The following CUX2 variants were observed in gnomAD, a reference collection of about 807,000 sequenced individuals.
The protein encoded by CUX2 is cut like homeobox 2, also known as homeobox protein cut-like 2.
In CUX2, 40 loss-of-function variants were observed where a neutral mutation model predicts 144.8. That is an observed-to-expected ratio of 0.28 (90% CI 0.21 to 0.36). The LOEUF (loss-of-function observed/expected upper bound fraction) is 0.36. Among genes scored for constraint, CUX2 ranks in the 10% least tolerant of loss-of-function variants. The pLI is 1.00. For missense variants in CUX2, 1,615 were observed against 1,994.0 expected (o/e 0.81, Z 3.62); for synonymous variants, 827 against 875.6 (o/e 0.94, Z 0.98).
In CUX2 at chr12:111,246,115, C is replaced by T. The variant is rs1044837064; in HGVS notation, c.223-17646C>T. Among the ~76,000 whole-genome samples, 6 of 152,120 alleles carry T rather than the reference C, an allele frequency of 3.9e-5. No individual in the cohort carries two copies. The highest frequency in any genetic ancestry group is 5.9e-5 in the Non-Finnish European group (4 of 68,012). The stretch of plus-strand genomic sequence containing the variant: ...TGCCAGCTTTCCTAGCTGCATGACC[C>T]GGGGCAAGTCTCTTGACTTCTCTGC... On this transcript the variant is annotated intron_variant, in intron 3 of 21. Coordinates refer to ENST00000261726, the MANE Select transcript of CUX2 (RefSeq NM_015267.4). The surrounding 1 kb of genome is among the most constrained non-coding windows in gnomAD (Gnocchi z 4.0).
At chr12:111,180,858 C>T (rs535092894) in intron 1 of CUX2, among the ~76,000 whole-genome samples, 2 of 152,352 alleles carry the variant, frequency 1.3e-5, no homozygotes, top group African/African-American at 2.4e-5. Context: ...GCCGAGAACC[C>T]TTTCTGTAAA....
At chr12:111,044,566 C>G (rs1869908978) in intron 1 of CUX2, among the ~76,000 whole-genome samples, 1 of 152,220 alleles carries the variant, frequency 6.6e-6, no homozygotes, top group Non-Finnish European at 1.5e-5. Flanking sequence ...GAGAAGTCCT[C>G]CTTGACTTCT....
At chr12:111,118,841 G>T (rs1874456161) in intron 1 of CUX2, among the ~76,000 whole-genome samples, 1 of 152,198 alleles carries the variant, frequency 6.6e-6, no homozygotes, top group South Asian at 2.1e-4. Context: ...TGATTTAATT[G>T]GTCTGGGGTG....
chr12:111,159,448 C>A (rs1290704747), intron 1 of CUX2, among the ~76,000 whole-genome samples: 2 of 152,110 alleles, frequency 1.3e-5, no homozygotes, highest in African/African-American at 4.8e-5. Context: ...CTGAGCCCAG[C>A]CACCTGCAAG....
intron 15 of CUX2, among the ~76,000 whole-genome samples, chr12:111,311,472 A>G (rs745698856): frequency 9.2e-5 from 14 of 151,956 alleles, no homozygotes; most frequent in Admixed American, 4.6e-4. Flanking sequence ...CATTTTTAGT[A>G]GAGACAGGGT....
intron 3 of CUX2, among the ~76,000 whole-genome samples, chr12:111,222,320 T>G (rs534752380): frequency 6.6e-6 from 1 of 152,376 alleles, no homozygotes; most frequent in South Asian, 2.1e-4. Context: ...AACATCTAAA[T>G]TAAAAGTTTT....
intron 3 of CUX2, among the ~76,000 whole-genome samples, chr12:111,252,716 C>T (rs1474012699): frequency 1.3e-5 from 2 of 151,348 alleles, no homozygotes; most frequent in South Asian, 2.1e-4. Flanking sequence ...TGCCCAGCCC[C>T]GCCTGGGCTC....
chr12:111,199,446 G>C (rs143039057), intron 1 of CUX2, among the ~76,000 whole-genome samples: 1 of 152,150 alleles, frequency 6.6e-6, no homozygotes, highest in African/African-American at 2.4e-5. Flanking sequence ...AGACTCAGGC[G>C]TTAGGATTTC....
Position 111,296,527 on chromosome 12 carries a change from A to G in CUX2, c.692A>G (p.Glu231Gly), listed in dbSNP as rs778005178. 2.7e-5 allele frequency: 43 copies of G among 1,611,262 alleles called. No individual in the cohort carries two copies. Among genetic ancestry groups the G allele is most frequent in the Non-Finnish European group, 3.4e-5 (40 of 1,178,702 alleles). Residue 231 changes from glutamate (E) to glycine (G), a missense_variant, in exon 8 of 22, where the codon GAG (glutamate) becomes GGG (glycine). Coordinates refer to ENST00000261726, the MANE Select transcript of CUX2 (RefSeq NM_015267.4). ...GAGCTGCGGCGGAAGTACGACGAGG[A>G]GGCAGCATCCAAGTAAGTGAGCCCT... is the stretch of plus-strand genomic sequence containing the variant. ...LLELRRKYDE[E>G]AASKADEVGL...
intron 2 of CUX2, 42 bp downstream of exon 2, chr12:111,214,352 G>T (rs749413006): frequency 1.7e-6 from 2 of 1,173,758 alleles, no homozygotes; most frequent in South Asian, 2.6e-5. Flanking sequence ...CAGTAGGAAT[G>T]CAGATTTCTC....
rs1001893508 is a variant in CUX2 at position 111,068,041 on chromosome 12, A to G, written c.63+33801A>G. On this transcript the variant is annotated intron_variant, in intron 1 of 21. Coordinates refer to ENST00000261726, the MANE Select transcript of CUX2 (RefSeq NM_015267.4). This position sits in a 1 kb window ranked among gnomAD's most constrained non-coding sequence, Gnocchi z 4.9. Reference sequence around the variant, plus strand: ...CTGCCCTCCCCACCGATCATACCCTAGTCCAGCAGGGAATGGCTTTTGCCC... The same window carrying G: ...CTGCCCTCCCCACCGATCATACCCTGGTCCAGCAGGGAATGGCTTTTGCCC... 6.6e-6 allele frequency among the ~76,000 whole-genome samples: 1 copy of G among 151,692 alleles called. No individual in the cohort carries two copies. The highest frequency in any genetic ancestry group is 1.5e-5 in the Non-Finnish European group (1 of 67,900).
Position 111,296,245 on chromosome 12 carries a change from C to T in CUX2, c.638-228C>T, listed in dbSNP as rs1885983692. Among the ~76,000 whole-genome samples the T allele has an allele frequency of 2.0e-5, 3 of 152,158 alleles. No individual in the cohort carries two copies. In the South Asian group the frequency reaches 6.2e-4, roughly 31 times the overall value. On this transcript the variant is annotated intron_variant, in intron 7 of 21. Coordinates refer to ENST00000261726, the MANE Select transcript of CUX2 (RefSeq NM_015267.4). ...CCATGGAGAGACCTCATCTGCCCCG[C>T]ACTGCCCACCCCAGCCACTGCACAT... is the stretch of plus-strand genomic sequence containing the variant.
At chr12:111,093,460 T>G (rs2136057436) in intron 1 of CUX2, among the ~76,000 whole-genome samples, 1 of 151,356 alleles carries the variant, frequency 6.6e-6, no homozygotes, top group African/African-American at 2.4e-5. Context: ...TATTTTATAA[T>G]AGACAAGCCT....
At chr12:111,125,086 A>G (rs1874967043) in intron 1 of CUX2, among the ~76,000 whole-genome samples, 1 of 151,420 alleles carries the variant, frequency 6.6e-6, no homozygotes, top group Non-Finnish European at 1.5e-5. Flanking sequence ...TTGGGGTACC[A>G]TTTTCTGAGC....
intron 19 of CUX2, among the ~76,000 whole-genome samples, chr12:111,335,368 A>G (rs6490060): frequency 0.43 from 64,689 of 151,490 alleles, 17,939 homozygotes; most frequent in East Asian, 0.93. Context: ...ACTCTAGCCA[A>G]GGCGACAGAG....
At chr12:111,152,862 G>T (rs1201779095) in intron 1 of CUX2, among the ~76,000 whole-genome samples, 1 of 152,182 alleles carries the variant, frequency 6.6e-6, no homozygotes, top group Non-Finnish European at 1.5e-5. Flanking sequence ...GGGCCTGTGA[G>T]GCCACTTGCT....
intron 4 of CUX2, among the ~76,000 whole-genome samples, chr12:111,284,053 C>T (rs1885256833): frequency 6.6e-6 from 1 of 152,120 alleles, no homozygotes; most frequent in Non-Finnish European, 1.5e-5. Context: ...TCTCTCCTTC[C>T]CCTCTTTCTT....
In CUX2 at chr12:111,060,881, A is replaced by G. The variant is rs192595988; in HGVS notation, c.63+26641A>G. Among the ~76,000 whole-genome samples the G allele has an allele frequency of 2.0e-4, 30 of 152,264 alleles. 1 individual carries two copies. The highest frequency in any genetic ancestry group is 7.2e-4 in the African/African-American group (30 of 41,562). Reference sequence around the variant, plus strand: ...GAAGCCTTAGCCCCCTCTTCCTTCTACCCTCTTGTCAGCTTCATCCTCTGG... The same window carrying G: ...GAAGCCTTAGCCCCCTCTTCCTTCTGCCCTCTTGTCAGCTTCATCCTCTGG... On this transcript the variant is annotated intron_variant, in intron 1 of 21. Transcript: ENST00000261726.
chr12:111,065,691 G>A (rs56007912), intron 1 of CUX2, among the ~76,000 whole-genome samples: 2,939 of 152,340 alleles, frequency 0.019, 129 homozygotes, highest in Admixed American at 0.1. Flanking sequence ...ATGTCCAGCA[G>A]TATTACCATG....
Sources: allele counts gnomAD v4.1 joint callset (sites outside exome capture counted in the v4.1 genomes callset), GRCh38; gene constraint gnomAD v4.1.1; non-coding constraint Gnocchi (gnomAD v3.1); transcripts MANE v1.5; gene names NCBI Gene and HGNC (gene_info 2026-07-23, HGNC 2026-07-21).